SOCS7: variants seen among roughly 807,000 people sequenced by gnomAD.
The protein encoded by SOCS7 is suppressor of cytokine signaling 7.
In SOCS7, 18 loss-of-function variants were observed where a neutral mutation model predicts 58.9. That is an observed-to-expected ratio of 0.31 (90% CI 0.21 to 0.45). SOCS7 has a LOEUF of 0.45. Among genes scored for constraint, SOCS7 ranks in the 20% least tolerant of loss-of-function variants. The pLI, the probability that SOCS7 is intolerant of heterozygous loss-of-function variation, is 1.00. For synonymous variants in SOCS7, 388 were observed against 364.3 expected, an observed-to-expected ratio of 1.06 and a Z score of -0.74; for missense variants, 667 against 837.3, an observed-to-expected ratio of 0.80 and a Z score of 2.51.
intron 9 of SOCS7, among the ~76,000 whole-genome samples, 178 bp downstream of exon 9, chr17:38,396,176 G>A (rs2038242801): frequency 6.6e-6 from 1 of 152,226 alleles, no homozygotes; most frequent in Admixed American, 6.5e-5. Flanking sequence ...CCCCATTTGG[G>A]AGAAAAGCAG....
chr17:38,395,793 C>A, intron 8 of SOCS7, 55 bp from the exon 9 acceptor site: 1 of 1,564,578 alleles, frequency 6.4e-7, no homozygotes, highest in East Asian at 2.2e-5. Flanking sequence ...GGAGTTACTT[C>A]TTTTATATTT....
At chr17:38,384,961 A>T (rs1433536867) in intron 7 of SOCS7, among the ~76,000 whole-genome samples, 1 of 141,128 alleles carries the variant, frequency 7.1e-6, no homozygotes, top group East Asian at 2.1e-4. Context: ...CAGTGGCGCA[A>T]TCTCAGCTCA....
intron 6 of SOCS7, among the ~76,000 whole-genome samples, chr17:38,368,446 C>T (rs753492729): frequency 6.6e-6 from 1 of 151,852 alleles, no homozygotes; most frequent in Non-Finnish European, 1.5e-5. Flanking sequence ...TGTTAAATCA[C>T]GTATACAAAG....
chr17:38,374,232 A>G (rs1420468220), intron 6 of SOCS7, among the ~76,000 whole-genome samples: 1 of 145,824 alleles, frequency 6.9e-6, no homozygotes, highest in Non-Finnish European at 1.5e-5. Context: ...AAAAAATGCC[A>G]TAGTTGTTAT....
At chr17:38,380,647 T>G (rs1236410250) in intron 7 of SOCS7, among the ~76,000 whole-genome samples, 1 of 145,840 alleles carries the variant, frequency 6.9e-6, no homozygotes. Flanking sequence ...AAAAAAATAA[T>G]AATAATAATG....
At chr17:38,389,902 C>T (rs1259700005) in intron 7 of SOCS7, among the ~76,000 whole-genome samples, 2,433 of 63,298 alleles carry the variant, frequency 0.038, 257 homozygotes, top group African/African-American at 0.12. Context: ...TATATATACA[C>T]ATATAGAGAG....
chr17:38,365,236 C>A, intron 3 of SOCS7, 72 bp from the exon 4 acceptor site: 1 of 1,168,918 alleles, frequency 8.6e-7, no homozygotes, highest in Non-Finnish European at 1.2e-6. Flanking sequence ...GTCCTTCTCC[C>A]TCTCCTCTGC....
Position 38,377,860 on chromosome 17 carries a change from T to C in SOCS7, c.1681+18T>C, listed in dbSNP as rs1316145181. 6.2e-7 allele frequency: 1 copy of C among 1,605,836 alleles called. No individual in the cohort carries two copies. The highest frequency in any genetic ancestry group is 8.5e-7 in the Non-Finnish European group (1 of 1,177,464). On this transcript the variant is annotated intron_variant, in intron 7 of 9. Transcript: ENST00000612932. ...GGTTCCAGGTAAGGCTGTACTTCTG[T>C]TAATTATTTAACTTAAGTTGGGTAT...
chr17:38,396,650 T>G (rs1386146079), intron 9 of SOCS7, among the ~76,000 whole-genome samples: 1 of 152,224 alleles, frequency 6.6e-6, no homozygotes, highest in Non-Finnish European at 1.5e-5. Context: ...CCATAAAACA[T>G]CTTGCAATAC....
chr17:38,373,789 A>G (rs1466241791), intron 6 of SOCS7, among the ~76,000 whole-genome samples: 1 of 152,220 alleles, frequency 6.6e-6, no homozygotes, highest in East Asian at 1.9e-4. Flanking sequence ...GACGTCGCTA[A>G]TTCAGCCTTT....
intron 1 of SOCS7, among the ~76,000 whole-genome samples, chr17:38,359,335 T>A (rs2037683913): frequency 6.6e-6 from 1 of 152,156 alleles, no homozygotes; most frequent in Admixed American, 6.5e-5. Context: ...GGGTGGAATA[T>A]TCATAGTGAG....
chr17:38,361,061 A>T (rs1276421959), intron 1 of SOCS7, among the ~76,000 whole-genome samples: 1 of 152,238 alleles, frequency 6.6e-6, no homozygotes, highest in Non-Finnish European at 1.5e-5. Context: ...CAGCATCAAG[A>T]AGTCATGGGG....
At chr17:38,395,495 G>A (rs1031139346) in intron 8 of SOCS7, 51 bp downstream of exon 8, 2 of 1,582,072 alleles carry the variant, frequency 1.3e-6, no homozygotes, top group African/African-American at 2.7e-5. Flanking sequence ...GGGGTTGTGG[G>A]GAGGTAACAA....
At chr17:38,368,353 G>A (rs1404661052) in intron 6 of SOCS7, among the ~76,000 whole-genome samples, 3 of 152,024 alleles carry the variant, frequency 2.0e-5, no homozygotes, top group Non-Finnish European at 4.4e-5. Context: ...AACTCTTTAG[G>A]TAAAAGGAAG....
At chr17:38,395,076 A>C (rs1467729867) in intron 7 of SOCS7, among the ~76,000 whole-genome samples, 3 of 151,936 alleles carry the variant, frequency 2.0e-5, no homozygotes, top group Admixed American at 1.3e-4. Flanking sequence ...GACACACAAA[A>C]AAGTGATGCT....
At chr17:38,385,867 C>G (rs1289529850) in intron 7 of SOCS7, among the ~76,000 whole-genome samples, 2 of 152,020 alleles carry the variant, frequency 1.3e-5, no homozygotes, top group African/African-American at 4.8e-5. Flanking sequence ...TACAAATTAG[C>G]AGGAGTCTGA....
At chr17:38,361,324 T>C (rs2037716843) in intron 1 of SOCS7, among the ~76,000 whole-genome samples, 1 of 152,286 alleles carries the variant, frequency 6.6e-6, no homozygotes, top group South Asian at 2.1e-4. Context: ...GAAACTTTGC[T>C]CTGAGCTGGT....
In SOCS7 at chr17:38,364,765, G is replaced by C. The variant is rs772786165; in HGVS notation, c.1059G>C (p.Ser353=). The change falls in exon 3 of 10, where the codon TCG becomes TCC. Residue 353 remains serine (S), a synonymous_variant. Transcript: ENST00000612932. ...FSPLFTGETV[S]LVDVDISQRG... ...TGAATCCCTCAGGTGAAACTGTGTCGCTTGTGGATGTGGACATTTCTCAGC... is the reference window on the plus strand; with the variant it reads ...TGAATCCCTCAGGTGAAACTGTGTCCCTTGTGGATGTGGACATTTCTCAGC... The C allele has an allele frequency of 2.5e-6, 4 of 1,613,820 alleles. No homozygotes were observed. Among genetic ancestry groups the C allele is most frequent in the Non-Finnish European group, 3.4e-6 (4 of 1,179,880 alleles).
At chr17:38,368,515 T>TC (rs1257794793) in intron 6 of SOCS7, among the ~76,000 whole-genome samples, 1 of 151,990 alleles carries the variant, frequency 6.6e-6, no homozygotes, top group African/African-American at 2.4e-5. Context: ...TCTTTTTTTT[T>TC]TTTTGAGACA....
Sources: gnomAD v4.1 joint callset for allele counts (sites outside exome capture counted in the v4.1 genomes callset) on GRCh38, gnomAD v4.1.1 for gene constraint, MANE v1.5 for transcripts, NCBI Gene and HGNC (gene_info 2026-07-23, HGNC 2026-07-21) for gene names.